CADM2: variants seen among roughly 807,000 people sequenced by gnomAD.
CADM2 encodes the protein immunoglobulin superfamily member 4D.
A neutral mutation model predicts 49.8 loss-of-function variants in CADM2; 12 were observed. The ratio of observed to expected loss-of-function variants is 0.24; its 90% CI spans 0.15 to 0.39. The LOEUF (loss-of-function observed/expected upper bound fraction) is 0.39, where lower values mean the gene tolerates loss of function less well. CADM2 is among the 10% of genes least tolerant of loss of function. The probability of loss-of-function intolerance (pLI) is 1.00; values close to 1 mark genes in which losing one functional copy is unlikely to be tolerated. For missense variants in CADM2, 378 were observed against 492.3 expected (o/e 0.77, Z 2.20); for synonymous variants, 214 against 175.4 (o/e 1.22, Z -1.74).
chr3:85,351,220 A>G (rs1454430005), intron 1 of CADM2, among the ~76,000 whole-genome samples: 1 of 152,146 alleles, frequency 6.6e-6, no homozygotes, highest in Admixed American at 6.6e-5. Context: ...ACAAGGAGGC[A>G]TCTTTGCTGA....
At chr3:85,873,520 G>A (rs1375214833) in intron 3 of CADM2, among the ~76,000 whole-genome samples, 1 of 152,018 alleles carries the variant, frequency 6.6e-6, no homozygotes, top group Non-Finnish European at 1.5e-5. Flanking sequence ...AGGAAAATTA[G>A]TCAGGCATGG....
rs1491406327 is a variant in CADM2, at chr3:85,769,528, T to TA, written c.89-32519_89-32518insA. Among the ~76,000 whole-genome samples, 24 of 107,838 alleles carry TA rather than the reference T, an allele frequency of 2.2e-4. 1 individual carries two copies. Among genetic ancestry groups the TA allele is most frequent in the African/African-American group, 1.1e-3 (21 of 19,318 alleles). 70.7% of individuals were successfully genotyped at this position (107,838 alleles called of 152,430 possible). ...GTATATATACACGTATATACATATA[T>TA]GTATATATACACGTATATACATATA... On this transcript the variant is annotated intron_variant, in intron 2 of 9. Coordinates refer to ENST00000383699, the MANE Select transcript of CADM2 (RefSeq NM_001167675.2).
At chr3:85,335,844 A>G (rs1348736645) in intron 1 of CADM2, among the ~76,000 whole-genome samples, 1 of 151,412 alleles carries the variant, frequency 6.6e-6, no homozygotes. Context: ...CTCCAAGTCT[A>G]TTTGTCCATG....
intron 1 of CADM2, among the ~76,000 whole-genome samples, chr3:85,569,865 C>G (rs182937326): frequency 1.3e-5 from 2 of 152,204 alleles, no homozygotes; most frequent in Admixed American, 1.3e-4. Flanking sequence ...TTATAATAGT[C>G]TTGTAAATAC....
chr3:86,017,175 T>TGTGC (rs200767951), intron 8 of CADM2, among the ~76,000 whole-genome samples: 9 of 112,410 alleles, frequency 8.0e-5, no homozygotes, highest in African/African-American at 2.5e-4. Context: ...TGTGTATATA[T>TGTGC]ATATATATAT....
intron 1 of CADM2, among the ~76,000 whole-genome samples, chr3:85,552,214 C>A (rs2061821631): frequency 6.6e-6 from 1 of 152,018 alleles, no homozygotes; most frequent in Admixed American, 6.6e-5. Flanking sequence ...ATAATTGACT[C>A]ATTAAAGATC....
intron 1 of CADM2, among the ~76,000 whole-genome samples, chr3:85,268,014 C>CAAT (rs149169920): frequency 0.066 from 10,016 of 151,430 alleles, 1,078 homozygotes; most frequent in African/African-American, 0.23. Flanking sequence ...CTAGTAAAAG[C>CAAT]AATAGGTTTC....
chr3:85,298,400 A>C (rs2044017995), intron 1 of CADM2, among the ~76,000 whole-genome samples: 1 of 152,092 alleles, frequency 6.6e-6, no homozygotes, highest in African/African-American at 2.4e-5. Flanking sequence ...TTGCAGCAGC[A>C]CTGATGCAGT....
chr3:85,377,485 C>T (rs1428176416), intron 1 of CADM2, among the ~76,000 whole-genome samples: 1 of 152,020 alleles, frequency 6.6e-6, no homozygotes, highest in Non-Finnish European at 1.5e-5. Flanking sequence ...GTAAACCTAT[C>T]CTGCTGATGG....
intron 1 of CADM2, among the ~76,000 whole-genome samples, chr3:85,621,225 A>G (rs546788166): frequency 6.6e-6 from 1 of 152,148 alleles, no homozygotes; most frequent in East Asian, 1.9e-4. Context: ...TCTTAACATT[A>G]GGTATTAAAA....
chr3:85,236,997 T>A (rs898304638), intron 1 of CADM2, among the ~76,000 whole-genome samples: 1 of 152,082 alleles, frequency 6.6e-6, no homozygotes, highest in Admixed American at 6.6e-5. Context: ...GTTTGTTGAA[T>A]GAATAACAAT....
Position 85,698,287 on chromosome 3 carries a change from G to A in CADM2, c.62-28235G>A, listed in dbSNP as rs1044659191. On this transcript the variant is annotated intron_variant, in intron 1 of 9. Transcript: ENST00000383699. Reference sequence around the variant, plus strand: ...TCCAGTGCATCAGGACCTCTACAGCGAGATAACATCAAGTAGTCAGACTTC... The same window carrying A: ...TCCAGTGCATCAGGACCTCTACAGCAAGATAACATCAAGTAGTCAGACTTC... Among the ~76,000 whole-genome samples, 5 of 152,284 alleles carry A rather than the reference G, an allele frequency of 3.3e-5. No homozygotes were observed. The East Asian group carries it at 5.8e-4, about 18-fold the overall frequency.
intron 1 of CADM2, among the ~76,000 whole-genome samples, chr3:85,479,633 T>C (rs1468003682): frequency 1.3e-5 from 2 of 151,876 alleles, no homozygotes; most frequent in Non-Finnish European, 2.9e-5. Flanking sequence ...TTGGATTGAA[T>C]CTATGATGTC....
Position 85,360,347 on chromosome 3 carries a change from G to A in CADM2, c.62-366175G>A, listed in dbSNP as rs1328769574. Among the ~76,000 whole-genome samples the A allele has an allele frequency of 2.6e-5, 4 of 152,098 alleles. No homozygotes were observed. In the East Asian group the frequency reaches 5.8e-4, roughly 22 times the overall value. ...ATATGTTCTATCCTATCAAAAAATA[G>A]CATCTCAGATGAAATCAACATTTAA... On this transcript the variant is annotated intron_variant, in intron 1 of 9. Coordinates refer to ENST00000383699, the MANE Select transcript of CADM2 (RefSeq NM_001167675.2).
chr3:85,943,683 A>T (rs9713669), intron 7 of CADM2, among the ~76,000 whole-genome samples: 57,525 of 151,622 alleles, frequency 0.38, 11,084 homozygotes, highest in Admixed American at 0.43. Flanking sequence ...ACAGCATGGT[A>T]CTGGTACCAA....
At chr3:86,009,835 T>A (rs934806219) in intron 8 of CADM2, among the ~76,000 whole-genome samples, 1 of 151,906 alleles carries the variant, frequency 6.6e-6, no homozygotes, top group Non-Finnish European at 1.5e-5. Context: ...TACAACATGA[T>A]GTTTTGAAGT....
At chr3:85,120,935 C>T (rs974152137) in intron 1 of CADM2, among the ~76,000 whole-genome samples, 7 of 152,176 alleles carry the variant, frequency 4.6e-5, no homozygotes, top group Middle Eastern at 3.2e-3. Flanking sequence ...TAGTGAAACA[C>T]GCTGTGAAGT....
chr3:84,981,120 C>T (rs1575964501), intron 1 of CADM2, among the ~76,000 whole-genome samples: 1 of 116,862 alleles, frequency 8.6e-6, no homozygotes, highest in Non-Finnish European at 1.7e-5. Flanking sequence ...AAAGCTATCC[C>T]TCCCCCCTCC....
At chr3:86,006,983 T>C (rs1730874186) in intron 8 of CADM2, among the ~76,000 whole-genome samples, 1 of 152,022 alleles carries the variant, frequency 6.6e-6, no homozygotes, top group Admixed American at 6.6e-5. Flanking sequence ...GAAGTTGCAG[T>C]GGGCCGAGAT....
Sources: allele counts gnomAD v4.1 joint callset (sites outside exome capture counted in the v4.1 genomes callset), GRCh38; gene constraint gnomAD v4.1.1; transcripts MANE v1.5; gene names NCBI Gene and HGNC (gene_info 2026-07-23, HGNC 2026-07-21).